JAM3: variants seen among roughly 807,000 people sequenced by gnomAD.
The protein encoded by JAM3 is junctional adhesion molecule 3, also known as junctional adhesion molecule C.
In JAM3, 31 loss-of-function variants were observed where a neutral mutation model predicts 39.4. The observed-to-expected ratio is 0.79, with a 90% confidence interval of 0.59 to 1.06. The LOEUF is 1.06. JAM3 is among the 50% of genes least tolerant of loss of function. The pLI is 0.00. For missense variants in JAM3, 455 were observed against 391.4 expected (o/e 1.16, Z -1.37); for synonymous variants, 182 against 148.7 (o/e 1.22, Z -1.63).
chr11:134,124,989 C>T (rs1365593132), intron 1 of JAM3, among the ~76,000 whole-genome samples: 1 of 151,712 alleles, frequency 6.6e-6, no homozygotes, highest in Admixed American at 6.5e-5. Flanking sequence ...GCAGCGGCGA[C>T]GACACCCCCC....
At chr11:134,070,497 A>G (rs1286270153) in intron 1 of JAM3, among the ~76,000 whole-genome samples, 1 of 152,210 alleles carries the variant, frequency 6.6e-6, no homozygotes, top group Non-Finnish European at 1.5e-5. Flanking sequence ...GTTTTAGCGT[A>G]TAGATTATGT....
intron 1 of JAM3, among the ~76,000 whole-genome samples, chr11:134,125,814 A>C (rs1251621162): frequency 2.6e-5 from 4 of 152,210 alleles, no homozygotes; most frequent in African/African-American, 9.6e-5. Flanking sequence ...GAGAAAGCAC[A>C]GTGTCTGCTT....
intron 1 of JAM3, among the ~76,000 whole-genome samples, chr11:134,093,130 C>T (rs1012183362): frequency 3.9e-5 from 5 of 129,612 alleles, no homozygotes; most frequent in Non-Finnish European, 6.4e-5. Flanking sequence ...CCTGAGCCCT[C>T]TTTATTCATC....
intron 3 of JAM3, 152 bp from the exon 4 acceptor site, chr11:134,144,089 A>G (rs946066539): frequency 1.6e-5 from 10 of 626,714 alleles, no homozygotes; most frequent in South Asian, 3.4e-5. Flanking sequence ...CCTGTCCTCA[A>G]GAGAGTTCAC....
At chr11:134,072,826 C>T (rs1941504208) in intron 1 of JAM3, among the ~76,000 whole-genome samples, 1 of 152,150 alleles carries the variant, frequency 6.6e-6, no homozygotes, top group African/African-American at 2.4e-5. Flanking sequence ...AGGAGAATCG[C>T]TTGAACCCGG....
chr11:134,081,789 C>T (rs1941669823), intron 1 of JAM3, among the ~76,000 whole-genome samples: 1 of 152,174 alleles, frequency 6.6e-6, no homozygotes, highest in Admixed American at 6.5e-5. Flanking sequence ...CCTCCAGACC[C>T]CAGAATGATA....
intron 1 of JAM3, chr11:134,124,354 CGT>C (rs1942599968): frequency 1.4e-6 from 1 of 705,962 alleles, no homozygotes; most frequent in Non-Finnish European, 2.6e-6. Context: ...TGTGAGTGTG[CGT>C]GTGAGTGTGA....
At chr11:134,102,098 A>G (rs567502912) in intron 1 of JAM3, among the ~76,000 whole-genome samples, 13 of 152,316 alleles carry the variant, frequency 8.5e-5, no homozygotes, top group Admixed American at 5.2e-4. Context: ...CACCTTACGA[A>G]GTAGGCACTA....
chr11:134,069,239 G>C, intron 1 of JAM3, 80 bp downstream of exon 1: 1 of 1,540,264 alleles, frequency 6.5e-7, no homozygotes, highest in Non-Finnish European at 8.8e-7. Context: ...TGCTGGAGCC[G>C]GTCCGGGCGA....
intron 1 of JAM3, chr11:134,124,447 A>G (rs1942603408): frequency 3.9e-6 from 2 of 518,170 alleles, no homozygotes; most frequent in African/African-American, 3.8e-5. Context: ...GCCTATTATC[A>G]ATCAGTGTTT....
intron 1 of JAM3, among the ~76,000 whole-genome samples, 172 bp downstream of exon 1, chr11:134,069,331 GGGACTC>G (rs1941448718): frequency 3.3e-5 from 5 of 152,144 alleles, no homozygotes; most frequent in African/African-American, 7.2e-5. Context: ...AGCCAGGGCT[GGGACTC>G]GGGCCTGGCT....
chr11:134,139,963 C>T, intron 2 of JAM3, 47 bp downstream of exon 2: 4 of 1,426,932 alleles, frequency 2.8e-6, no homozygotes, highest in East Asian at 2.3e-5. Context: ...ATCTACTGGA[C>T]ATTTGATGTC....
At position 134,127,383 on chromosome 11, in the gene JAM3, T is replaced by C. The variant is rs543974602; in HGVS notation, c.77-12468T>C. On this transcript the variant is annotated intron_variant, in intron 1 of 8. Coordinates refer to ENST00000299106, the MANE Select transcript of JAM3 (RefSeq NM_032801.5). ...GTTTCAAGAATAAGAACTAATGCCA[T>C]TGTAGTGAGTCATTTTAAAACTTGA... Among the ~76,000 whole-genome samples the C allele has an allele frequency of 3.8e-4, 58 of 152,314 alleles. No homozygotes were observed. In the South Asian group the frequency reaches 0.012, roughly 31 times the overall value.
At chr11:134,129,181 G>A (rs1178574517) in intron 1 of JAM3, among the ~76,000 whole-genome samples, 24 of 149,890 alleles carry the variant, frequency 1.6e-4, no homozygotes, top group Admixed American at 1.3e-3. Context: ...GTGCAGTGGC[G>A]TGATCTCGGC....
At chr11:134,148,937 C>T (rs1242084224) in intron 8 of JAM3, 119 bp downstream of exon 8, 3 of 1,023,024 alleles carry the variant, frequency 2.9e-6, no homozygotes, top group Middle Eastern at 2.1e-4. Context: ...CTCCTGAGCT[C>T]CTCAGCCCCT....
chr11:134,130,567 C>T (rs188864109), intron 1 of JAM3, among the ~76,000 whole-genome samples: 3 of 152,174 alleles, frequency 2.0e-5, no homozygotes, highest in South Asian at 2.1e-4. Context: ...TTTGAACCGA[C>T]GTTGTAGAAG....
intron 1 of JAM3, among the ~76,000 whole-genome samples, chr11:134,106,558 C>G (rs1942192094): frequency 6.6e-6 from 1 of 152,098 alleles, no homozygotes; most frequent in Admixed American, 6.5e-5. Flanking sequence ...AACAGGCAAC[C>G]TACAGAATGG....
Position 134,107,773 on chromosome 11 carries a change from G to T in JAM3, c.77-32078G>T, listed in dbSNP as rs531262655. The stretch of plus-strand genomic sequence containing the variant: ...AGCTACTTGGGACATCGGGGCAGGA[G>T]AATTGCTTGGTCCCAGGAAATTGAG... On this transcript the variant is annotated intron_variant, in intron 1 of 8. Transcript: ENST00000299106. 1.6e-4 allele frequency among the ~76,000 whole-genome samples: 25 copies of T among 152,178 alleles called. 1 individual carries two copies. Among genetic ancestry groups the T allele is most frequent in the Admixed American group, 1.4e-3 (21 of 15,278 alleles).
intron 1 of JAM3, among the ~76,000 whole-genome samples, chr11:134,120,109 A>G (rs1942505483): frequency 6.6e-6 from 1 of 151,942 alleles, no homozygotes; most frequent in Admixed American, 6.6e-5. Flanking sequence ...CATTGCTGCA[A>G]AGATGCTATT....
Sources: allele counts gnomAD v4.1 joint callset (sites outside exome capture counted in the v4.1 genomes callset), GRCh38; gene constraint gnomAD v4.1.1; transcripts MANE v1.5; gene names NCBI Gene and HGNC (gene_info 2026-07-23, HGNC 2026-07-21).